Variants in DRC3 observed in about 807,000 individuals in gnomAD.
DRC3 encodes the protein leucine rich repeat containing 48.
Under a neutral mutation model 57.6 loss-of-function variants are expected in DRC3, and 45 were observed. The ratio of observed to expected loss-of-function variants is 0.78; its 90% CI spans 0.62 to 1.00. DRC3 has a LOEUF of 1.00. Among genes scored for constraint, DRC3 ranks in the 50% least tolerant of loss-of-function variants. The probability of loss-of-function intolerance (pLI) is 0.00; values close to 1 mark genes in which losing one functional copy is unlikely to be tolerated. For synonymous variants in DRC3, 257 were observed against 272.3 expected (o/e 0.94, Z 0.55); for missense variants, 655 against 675.2 (o/e 0.97, Z 0.33).
At chr17:17,992,990 G>T in intron 6 of DRC3, 79 bp downstream of exon 6, 1 of 1,504,616 alleles carries the variant, frequency 6.6e-7, no homozygotes, top group Non-Finnish European at 9.2e-7. Context: ...AAGGGGCATT[G>T]AAGAGTAGCT....
intron 12 of DRC3, chr17:18,007,549 T>C: frequency 6.6e-7 from 1 of 1,519,668 alleles, no homozygotes; most frequent in East Asian, 2.5e-5. Flanking sequence ...GGAACCACCA[T>C]TTCTGATCCT....
intron 9 of DRC3, among the ~76,000 whole-genome samples, chr17:18,003,078 G>A (rs1410139180): frequency 2.6e-5 from 4 of 152,164 alleles, no homozygotes; most frequent in Non-Finnish European, 5.9e-5. Context: ...AGACAAAGAG[G>A]TTTGGGCTAA....
At chr17:18,010,846 A>T in intron 12 of DRC3, 1 of 367,604 alleles carries the variant, frequency 2.7e-6, no homozygotes, top group South Asian at 2.2e-5. Flanking sequence ...GGACATGAAG[A>T]TCAAGTCCCT....
At chr17:17,977,854 G>A (rs1055854361) in intron 3 of DRC3, 96 bp downstream of exon 3, 38 of 1,343,238 alleles carry the variant, frequency 2.8e-5, no homozygotes, top group Admixed American at 8.2e-5. Flanking sequence ...CAAAGTCCAC[G>A]GTCGAGGTTC....
intron 9 of DRC3, among the ~76,000 whole-genome samples, chr17:17,999,502 G>C (rs1014960657): frequency 6.6e-6 from 1 of 152,112 alleles, no homozygotes; most frequent in Non-Finnish European, 1.5e-5. Flanking sequence ...CTCCCTGACA[G>C]GCCCTCTCCT....
At chr17:17,981,927 A>G (rs908172217) in intron 3 of DRC3, among the ~76,000 whole-genome samples, 6 of 151,454 alleles carry the variant, frequency 4.0e-5, no homozygotes, top group African/African-American at 1.2e-4. Context: ...GTCTCAAGCA[A>G]TCCACCGGCC....
intron 4 of DRC3, among the ~76,000 whole-genome samples, chr17:17,987,510 G>A (rs577585860): frequency 3.7e-4 from 57 of 152,264 alleles, no homozygotes; most frequent in African/African-American, 1.3e-3. Flanking sequence ...ATACACGAGT[G>A]CTTGATAAAC....
chr17:18,016,602 G>A lies in DRC3; in HGVS notation c.1503G>A (p.Glu501=), dbSNP rs778829224. 1.2e-6 allele frequency: 2 copies of A among 1,613,940 alleles called. No homozygotes were observed. Among genetic ancestry groups the A allele is most frequent in the East Asian group, 2.2e-5 (1 of 44,876 alleles). ...EIMRNRKRVK[E]INQYIDHMQS... is the part of the protein sequence containing the mutation. ...TGAGGAACCGCAAGCGCGTGAAGGA[G>A]ATCAATCAGTACATCGACCACATGC... The change falls in exon 14 of 14, where the codon GAG becomes GAA. Residue 501 remains glutamate, a synonymous_variant. Coordinates refer to ENST00000399187, the MANE Select transcript of DRC3 (RefSeq NM_031294.4).
intron 3 of DRC3, among the ~76,000 whole-genome samples, chr17:17,978,672 C>T (rs1336128532): frequency 6.6e-6 from 1 of 152,206 alleles, no homozygotes; most frequent in Non-Finnish European, 1.5e-5. Context: ...CACAGCCCCA[C>T]GAAGCCCATA....
chr17:17,997,910 T>C (rs917049047), intron 9 of DRC3, among the ~76,000 whole-genome samples: 2 of 152,244 alleles, frequency 1.3e-5, no homozygotes, highest in Admixed American at 1.3e-4. Context: ...AGGTCGGCCC[T>C]ACCCCCCAAC....
chr17:17,988,386 CTGTTAG>C (rs1259408788), intron 5 of DRC3: 1 of 405,388 alleles, frequency 2.5e-6, no homozygotes, highest in Non-Finnish European at 4.6e-6. Flanking sequence ...AGGTACATAC[CTGTTAG>C]TGTTGGGCGT....
At chr17:17,987,059 T>C (rs1018981639) in intron 4 of DRC3, among the ~76,000 whole-genome samples, 3 of 151,594 alleles carry the variant, frequency 2.0e-5, no homozygotes, top group Admixed American at 1.3e-4. Context: ...CAAACCTTTT[T>C]AAAAAGTTAG....
rs143025001 is a variant in DRC3 at position 17,988,250 on chromosome 17, G to A, written c.444+152G>A. 6.3e-4 allele frequency: 520 copies of A among 826,190 alleles called. 2 individuals carry two copies. In the African/African-American group the frequency reaches 8.7e-3, roughly 14 times the overall value. 51.2% of individuals were successfully genotyped at this position (826,190 alleles called of 1,614,324 possible). On this transcript the variant is annotated intron_variant, in intron 5 of 13. Transcript: ENST00000399187. Reference sequence around the variant, plus strand: ...GCCAGGAATCTGGATTACTCCATGAGGGATTTGCTCATGTTTAAATACCAT... The same window carrying A: ...GCCAGGAATCTGGATTACTCCATGAAGGATTTGCTCATGTTTAAATACCAT...
chr17:18,013,571 A>G (rs1165155690), intron 12 of DRC3, among the ~76,000 whole-genome samples: 2 of 152,232 alleles, frequency 1.3e-5, no homozygotes, highest in African/African-American at 4.8e-5. Flanking sequence ...TCTCACTCAT[A>G]TGCCGAAGCT....
Position 18,004,501 on chromosome 17 carries a change from C to G in DRC3, c.1131+7C>G. On this transcript the variant is annotated splice_region_variant and intron_variant, in intron 10 of 13. Transcript: ENST00000399187. Reference sequence around the variant, plus strand: ...GCTGGTGGAGCAGCTGGAGGTAAGGCTGGGCCCTGGGCACAAGTGCCAGAA... The same window carrying G: ...GCTGGTGGAGCAGCTGGAGGTAAGGGTGGGCCCTGGGCACAAGTGCCAGAA... The G allele has an allele frequency of 6.2e-7, 1 of 1,607,800 alleles. No homozygotes were observed. The highest frequency in any genetic ancestry group is 8.5e-7 in the Non-Finnish European group (1 of 1,177,344).
chr17:17,982,053 C>G (rs1474457957), intron 3 of DRC3, among the ~76,000 whole-genome samples: 1 of 151,152 alleles, frequency 6.6e-6, no homozygotes, highest in Non-Finnish European at 1.5e-5. Flanking sequence ...AGTTCAGTGG[C>G]GTAATCTAGG....
At chr17:17,992,664 G>A (rs1164437583) in intron 5 of DRC3, 101 bp from the exon 6 acceptor site, 2 of 1,309,416 alleles carry the variant, frequency 1.5e-6, no homozygotes, top group African/African-American at 1.5e-5. Context: ...ATGGTGCTGT[G>A]GCCAGGCTGA....
chr17:18,008,195 C>T lies in DRC3; in HGVS notation c.1326+1048C>T, dbSNP rs540087785. ...TGATATTCCACCTGGCAGACACGCT[C>T]TTCCTAGGTCCCCATGTGCCTGGCT... On this transcript the variant is annotated intron_variant, in intron 12 of 13. Transcript: ENST00000399187. This position sits in a 1 kb window ranked among gnomAD's most constrained non-coding sequence, Gnocchi z 4.3. Among the ~76,000 whole-genome samples the T allele has an allele frequency of 3.3e-5, 5 of 152,342 alleles. No homozygotes were observed. Among genetic ancestry groups the T allele is most frequent in the South Asian group, 2.1e-4 (1 of 4,830 alleles).
intron 9 of DRC3, among the ~76,000 whole-genome samples, chr17:18,001,131 T>G (rs1313966635): frequency 6.6e-6 from 1 of 151,880 alleles, no homozygotes; most frequent in African/African-American, 2.4e-5. Context: ...AGTGGGAGAC[T>G]GTATACCAAC....
Sources: allele counts gnomAD v4.1 joint callset (sites outside exome capture counted in the v4.1 genomes callset), GRCh38; gene constraint gnomAD v4.1.1; non-coding constraint Gnocchi (gnomAD v3.1); transcripts MANE v1.5; gene names NCBI Gene and HGNC (gene_info 2026-07-23, HGNC 2026-07-21).